The following SLC2A12 variants were observed in gnomAD, a reference collection of about 807,000 sequenced individuals.
SLC2A12 encodes solute carrier family 2, facilitated glucose transporter member 12.
SLC2A12 carries 23 observed loss-of-function variants against 41.8 expected under a neutral mutation model. The ratio of observed to expected loss-of-function variants is 0.55; its 90% CI spans 0.40 to 0.78. The LOEUF is 0.78. SLC2A12 is among the 30% of genes least tolerant of loss of function. The probability of loss-of-function intolerance (pLI) is 0.00; values close to 1 mark genes in which losing one functional copy is unlikely to be tolerated. For missense variants in SLC2A12, 654 were observed against 745.6 expected (o/e 0.88, Z 1.43); for synonymous variants, 295 against 285.9 (o/e 1.03, Z -0.32).
chr6:134,002,163 G>T, intron 3 of SLC2A12, 34 bp from the exon 4 acceptor site: 1 of 1,584,562 alleles, frequency 6.3e-7, no homozygotes, highest in South Asian at 1.2e-5. Flanking sequence ...TTAGAAATGT[G>T]TTTTGTGTAG....
chr6:134,052,293 ACACG>A, intron 1 of SLC2A12, 81 bp downstream of exon 1: 2 of 1,118,368 alleles, frequency 1.8e-6, no homozygotes, highest in Non-Finnish European at 2.6e-6. Context: ...ACACACACAC[ACACG>A]GGACTCAAGA....
chr6:134,044,978 G>A (rs1294318921), intron 1 of SLC2A12, among the ~76,000 whole-genome samples: 1 of 152,124 alleles, frequency 6.6e-6, no homozygotes, highest in Non-Finnish European at 1.5e-5. Flanking sequence ...GTGTTGAGAT[G>A]TTTCCTAGGT....
At chr6:134,008,692 T>C (rs1023356484) in intron 2 of SLC2A12, among the ~76,000 whole-genome samples, 1 of 152,224 alleles carries the variant, frequency 6.6e-6, no homozygotes, top group East Asian at 1.9e-4. Context: ...TGGTGAAGCC[T>C]TTGTAATGAA....
intron 3 of SLC2A12, among the ~76,000 whole-genome samples, chr6:134,005,510 A>C (rs1054256562): frequency 6.6e-6 from 1 of 151,790 alleles, no homozygotes; most frequent in Non-Finnish European, 1.5e-5. Context: ...ATACAAAAAA[A>C]TTAGCCAGGC....
intron 1 of SLC2A12, among the ~76,000 whole-genome samples, chr6:134,034,548 G>A (rs1190556168): frequency 6.6e-6 from 1 of 152,224 alleles, no homozygotes; most frequent in Non-Finnish European, 1.5e-5. Context: ...GGCATAAGGA[G>A]TGGGTTTTTC....
chr6:134,013,174 C>T (rs1040923552), intron 2 of SLC2A12, among the ~76,000 whole-genome samples: 1 of 152,070 alleles, frequency 6.6e-6, no homozygotes, highest in African/African-American at 2.4e-5. Context: ...GCCTGTAATC[C>T]TAGCTACTTG....
At chr6:134,034,270 T>C (rs762528741) in intron 1 of SLC2A12, among the ~76,000 whole-genome samples, 1 of 152,198 alleles carries the variant, frequency 6.6e-6, no homozygotes, top group Non-Finnish European at 1.5e-5. Context: ...CATGGAGTTA[T>C]ATGTTACAGA....
At chr6:134,007,421 G>A (rs1776829113) in intron 2 of SLC2A12, among the ~76,000 whole-genome samples, 1 of 152,222 alleles carries the variant, frequency 6.6e-6, no homozygotes, top group Non-Finnish European at 1.5e-5. Flanking sequence ...GGAGCCAGGT[G>A]GGCATGAGGA....
Position 133,990,943 on chromosome 6 carries a change from G to T in SLC2A12, c.*212C>A. ...TAACCTGATATCCTGCTCAGAAAAA[G>T]AGATCACTTAGGACCTTGTACCTCA... On this transcript the variant is annotated 3_prime_UTR_variant, in exon 5 of 5. Coordinates refer to ENST00000275230, the MANE Select transcript of SLC2A12 (RefSeq NM_145176.3). 3 of 464,304 alleles carry T rather than the reference G, an allele frequency of 6.5e-6. No individual in the cohort carries two copies. Among genetic ancestry groups the T allele is most frequent in the Non-Finnish European group, 1.1e-5 (3 of 278,788 alleles). 28.8% of individuals were successfully genotyped at this position (464,304 alleles called of 1,614,324 possible).
intron 1 of SLC2A12, among the ~76,000 whole-genome samples, chr6:134,030,521 G>C (rs887343191): frequency 9.9e-5 from 15 of 152,164 alleles, no homozygotes; most frequent in South Asian, 2.1e-4. Flanking sequence ...ATGTCAAAAA[G>C]TTAGTAACTA....
intron 2 of SLC2A12, among the ~76,000 whole-genome samples, chr6:134,022,606 C>G (rs567502185): frequency 1.5e-4 from 23 of 151,404 alleles, no homozygotes; most frequent in South Asian, 1.3e-3. Context: ...AAATGTTGCC[C>G]CAGATCATTT....
chr6:134,029,577 A>G lies in SLC2A12; in HGVS notation c.248T>C (p.Val83Ala). 2.5e-6 allele frequency: 4 copies of G among 1,614,148 alleles called. No homozygotes were observed. The highest frequency in any genetic ancestry group is 3.4e-6 in the Non-Finnish European group (4 of 1,180,016). ...GAGGGCTCCAATGACGAGGGAGCTC[A>G]CAACCATTTCCTGCTCATGGCAGCT... ...ALSCHEQEMV[V>A]SSLVIGALLA... The change falls in exon 2 of 5, where the codon GTG becomes GCG. Residue 83 changes from valine (V) to alanine (A), a missense_variant. Physicochemically the swap from Val to Ala is moderately conservative, Grantham distance 64. This residue lies in a region of SLC2A12 where 109 missense variants were observed against 153.0 expected (regional missense o/e 0.71). Coordinates refer to ENST00000275230, the MANE Select transcript of SLC2A12 (RefSeq NM_145176.3).
At chr6:134,014,690 G>A (rs2306647) in intron 2 of SLC2A12, among the ~76,000 whole-genome samples, 28,044 of 152,122 alleles carry the variant, frequency 0.18, 2,710 homozygotes, top group East Asian at 0.31. Context: ...TAGTATTAAA[G>A]CCTTAGCCTG....
chr6:134,019,490 C>T (rs1777012498), intron 2 of SLC2A12, among the ~76,000 whole-genome samples: 1 of 152,178 alleles, frequency 6.6e-6, no homozygotes. Context: ...AAGAGCACCC[C>T]AGAAACAGTG....
Position 134,042,355 on chromosome 6 carries a change from G to T in SLC2A12, c.103+10023C>A, listed in dbSNP as rs1047815310. On this transcript the variant is annotated intron_variant, in intron 1 of 4. Transcript: ENST00000275230. ...ATTTACTAAAATTAATACCTGAATG[G>T]CCACCTGAACACTAAGGGTTAAGCT... is the stretch of plus-strand genomic sequence containing the variant. Among the ~76,000 whole-genome samples the T allele has an allele frequency of 8.0e-4, 122 of 152,040 alleles. 1 individual carries two copies. Among genetic ancestry groups the T allele is most frequent in the African/African-American group, 2.9e-3 (120 of 41,394 alleles).
intron 4 of SLC2A12, among the ~76,000 whole-genome samples, chr6:133,992,479 G>A (rs962351713): frequency 8.5e-5 from 13 of 152,128 alleles, no homozygotes; most frequent in African/African-American, 3.1e-4. Context: ...TATATTGCAG[G>A]GTATTCCTCA....
intron 2 of SLC2A12, among the ~76,000 whole-genome samples, chr6:134,016,073 T>C (rs1033231981): frequency 2.0e-5 from 3 of 152,158 alleles, no homozygotes; most frequent in Non-Finnish European, 4.4e-5. Flanking sequence ...CAGTTCTCCG[T>C]AGGTCTCTCA....
chr6:134,006,193 C>CAAAAAAAAAAAAAAAAAAAAAAAAAA (rs571711008), intron 3 of SLC2A12, among the ~76,000 whole-genome samples: 1 of 121,606 alleles, frequency 8.2e-6, no homozygotes. Context: ...AAAAAAAAAA[C>CAAAAAAAAAAAAAAAAAAAAAAAAAA]AAAAAAAAAA....
intron 1 of SLC2A12, among the ~76,000 whole-genome samples, chr6:134,043,804 A>AG (rs1777418457): frequency 6.6e-6 from 1 of 151,832 alleles, no homozygotes; most frequent in African/African-American, 2.4e-5. Context: ...AAAAAAAAAA[A>AG]AAAAGAAAAG....
Sources: gnomAD v4.1 joint callset for allele counts (sites outside exome capture counted in the v4.1 genomes callset) on GRCh38, gnomAD v4.1.1 for gene constraint, gnomAD v4.1.1 regional missense constraint, MANE v1.5 for transcripts, NCBI Gene and HGNC (gene_info 2026-07-23, HGNC 2026-07-21) for gene names.